The following SCFD2 variants were observed in gnomAD, a reference collection of about 807,000 sequenced individuals.
The protein encoded by SCFD2 is sec1 family domain-containing protein 2.
A neutral mutation model predicts 58.9 loss-of-function variants in SCFD2; 54 were observed. The observed-to-expected ratio is 0.92, with a 90% CI of 0.74 to 1.15. The LOEUF (loss-of-function observed/expected upper bound fraction) is 1.15, where lower values mean the gene tolerates loss of function less well. Ranked by LOEUF, SCFD2 falls within the 50% of genes most tolerant of loss-of-function variation. SCFD2 has a pLI of 0.00. For missense variants in SCFD2, 805 were observed against 836.6 expected (o/e 0.96, Z 0.47); for synonymous variants, 321 against 335.9 (o/e 0.96, Z 0.49).
chr4:53,196,601 G>T (rs1728065229), intron 4 of SCFD2, among the ~76,000 whole-genome samples: 1 of 152,034 alleles, frequency 6.6e-6, no homozygotes, highest in African/African-American at 2.4e-5. Flanking sequence ...GCCTTTGCAG[G>T]GAGATTTTAC....
intron 5 of SCFD2, among the ~76,000 whole-genome samples, chr4:52,960,494 G>A (rs567960721): frequency 1.8e-3 from 277 of 151,526 alleles, no homozygotes; most frequent in African/African-American, 6.2e-3. Flanking sequence ...TCAGCCTCCC[G>A]AGTAGCTAGG....
chr4:53,238,546 C>A (rs755688983), intron 4 of SCFD2, among the ~76,000 whole-genome samples: 1 of 151,250 alleles, frequency 6.6e-6, no homozygotes, highest in Admixed American at 6.6e-5. Context: ...CGGGCGGAGA[C>A]GCTCCTCACT....
At chr4:53,084,530 G>A (rs1724246970) in intron 5 of SCFD2, among the ~76,000 whole-genome samples, 1 of 152,172 alleles carries the variant, frequency 6.6e-6, no homozygotes. Context: ...AGCTTACGAA[G>A]ATAACAGGAT....
intron 2 of SCFD2, among the ~76,000 whole-genome samples, chr4:53,338,087 T>C (rs941948721): frequency 2.0e-5 from 3 of 152,204 alleles, no homozygotes; most frequent in Non-Finnish European, 4.4e-5. Context: ...AAATAATAGA[T>C]TCTGGAGTCC....
At chr4:52,933,588 G>A (rs1207951438) in intron 5 of SCFD2, among the ~76,000 whole-genome samples, 3 of 152,168 alleles carry the variant, frequency 2.0e-5, no homozygotes. Flanking sequence ...GCAGGATGGG[G>A]ATGGGGAGAG....
chr4:53,191,194 C>T (rs559309057), intron 4 of SCFD2, among the ~76,000 whole-genome samples: 25 of 151,770 alleles, frequency 1.6e-4, no homozygotes, highest in African/African-American at 4.8e-4. Context: ...ACTAAAAATA[C>T]GAAAAATTAG....
intron 2 of SCFD2, among the ~76,000 whole-genome samples, chr4:53,330,196 C>T (rs1054474897): frequency 6.6e-6 from 1 of 152,122 alleles, no homozygotes; most frequent in African/African-American, 2.4e-5. Flanking sequence ...GGAGAACTTC[C>T]CCAATCTCGC....
chr4:53,250,697 G>A (rs991444568), intron 4 of SCFD2, among the ~76,000 whole-genome samples: 2 of 152,150 alleles, frequency 1.3e-5, no homozygotes, highest in African/African-American at 2.4e-5. Flanking sequence ...TGAAACCAAC[G>A]ACAACAAAGA....
chr4:52,876,187 T>C (rs1718470055), intron 8 of SCFD2, among the ~76,000 whole-genome samples: 1 of 151,880 alleles, frequency 6.6e-6, no homozygotes, highest in African/African-American at 2.4e-5. Flanking sequence ...CTTGCTCACC[T>C]CATCTCTCTC....
intron 4 of SCFD2, among the ~76,000 whole-genome samples, chr4:53,251,724 G>C (rs1417428610): frequency 1.3e-5 from 2 of 151,776 alleles, no homozygotes; most frequent in African/African-American, 4.8e-5. Flanking sequence ...GGTATTGATG[G>C]GACGTATCTC....
At chr4:53,319,688 C>T (rs115378350) in intron 2 of SCFD2, among the ~76,000 whole-genome samples, 2,555 of 152,080 alleles carry the variant, frequency 0.017, 79 homozygotes, top group African/African-American at 0.058. Flanking sequence ...TGCGCCATCT[C>T]GTCTGGTTAA....
At chr4:53,069,737 A>G (rs769630579) in intron 5 of SCFD2, among the ~76,000 whole-genome samples, 1 of 151,734 alleles carries the variant, frequency 6.6e-6, no homozygotes, top group Non-Finnish European at 1.5e-5. Context: ...TCTAGACAGT[A>G]AAAATCACCT....
intron 4 of SCFD2, among the ~76,000 whole-genome samples, chr4:53,225,534 T>C (rs1729184509): frequency 1.3e-5 from 2 of 152,362 alleles, no homozygotes; most frequent in Middle Eastern, 3.4e-3. Context: ...CCTATTTTGT[T>C]TGCTTTTATC....
At chr4:53,309,674 G>A (rs960423525) in intron 3 of SCFD2, among the ~76,000 whole-genome samples, 1 of 152,152 alleles carries the variant, frequency 6.6e-6, no homozygotes, top group African/African-American at 2.4e-5. Context: ...TTAGCATAAA[G>A]CCTAGAAAAA....
intron 5 of SCFD2, among the ~76,000 whole-genome samples, chr4:53,048,197 G>A (rs776615334): frequency 2.0e-5 from 3 of 152,080 alleles, no homozygotes; most frequent in Middle Eastern, 3.4e-3. Context: ...CTAAAAATAC[G>A]AAAATTAGCT....
chr4:53,093,328 G>C (rs1724526378), intron 5 of SCFD2, among the ~76,000 whole-genome samples: 1 of 152,148 alleles, frequency 6.6e-6, no homozygotes, highest in Non-Finnish European at 1.5e-5. Flanking sequence ...GCTGCTGAAA[G>C]AAGAATGAAA....
intron 5 of SCFD2, among the ~76,000 whole-genome samples, chr4:53,086,530 G>C (rs1724309101): frequency 1.3e-5 from 2 of 152,156 alleles, no homozygotes; most frequent in African/African-American, 4.8e-5. Context: ...TCACTGCTGG[G>C]TGTACACCCA....
At chr4:53,284,140 T>C (rs1026569319) in intron 3 of SCFD2, among the ~76,000 whole-genome samples, 5 of 148,150 alleles carry the variant, frequency 3.4e-5, no homozygotes, top group African/African-American at 1.3e-4. Flanking sequence ...AAAAAATGCA[T>C]GTAATGAAGC....
chr4:53,238,016 C>T lies in SCFD2; in HGVS notation c.1311+35810G>A, dbSNP rs1171377760. 3.5e-5 allele frequency among the ~76,000 whole-genome samples: 5 copies of T among 141,952 alleles called. 1 individual carries two copies. The highest frequency in any genetic ancestry group is 1.3e-4 in the African/African-American group (5 of 37,864). 93.1% of individuals were successfully genotyped at this position (141,952 alleles called of 152,430 possible). ...GCCGGGCAGGGGGCTGATCCCCCCA[C>T]CTCCCTCCAAGATGGGGTGGCTGGC... On this transcript the variant is annotated intron_variant, in intron 4 of 8. Coordinates refer to ENST00000401642, the MANE Select transcript of SCFD2 (RefSeq NM_152540.4).
Sources: allele counts gnomAD v4.1 joint callset (sites outside exome capture counted in the v4.1 genomes callset), GRCh38; gene constraint gnomAD v4.1.1; transcripts MANE v1.5; gene names NCBI Gene and HGNC (gene_info 2026-07-23, HGNC 2026-07-21).